The following CTNNA2 variants were observed in gnomAD, a reference collection of about 807,000 sequenced individuals.
CTNNA2 encodes the protein catenin alpha 2.
Under a neutral mutation model 101.0 loss-of-function variants are expected in CTNNA2, and 42 were observed. That is an observed-to-expected ratio of 0.42 (90% CI 0.32 to 0.54). CTNNA2 has a LOEUF of 0.54. Among genes scored for constraint, CTNNA2 ranks in the 20% least tolerant of loss-of-function variants. The pLI is 0.14. For missense variants in CTNNA2, 871 were observed against 1,223.1 expected (o/e 0.71, Z 4.29); for synonymous variants, 450 against 456.4 (o/e 0.99, Z 0.18).
At position 80,492,418 on chromosome 2, in the gene CTNNA2, T is replaced by C. The variant is rs78883153; in HGVS notation, c.1291-52564T>C. Among the ~76,000 whole-genome samples, 397 of 152,316 alleles carry C rather than the reference T, an allele frequency of 2.6e-3. 3 individuals carry two copies. The highest frequency in any genetic ancestry group is 8.8e-3 in the African/African-American group (364 of 41,564). On this transcript the variant is annotated intron_variant, in intron 9 of 18. Coordinates refer to ENST00000402739, the MANE Select transcript of CTNNA2 (RefSeq NM_001282597.3). ...TAATAGCAGCATGAGAATGGACTCA[T>C]ACAGATGGGACAGTCCATAGTATTT... is the stretch of plus-strand genomic sequence containing the variant.
intron 7 of CTNNA2, among the ~76,000 whole-genome samples, chr2:80,271,485 G>A (rs1038760225): frequency 1.3e-5 from 2 of 150,624 alleles, no homozygotes; most frequent in African/African-American, 2.4e-5. Flanking sequence ...GCAGTGGCGC[G>A]ATCTCGGCTC....
At chr2:79,291,560 A>G (rs1052578079) in intron 2 of CTNNA2, among the ~76,000 whole-genome samples, 1 of 152,188 alleles carries the variant, frequency 6.6e-6, no homozygotes, top group Non-Finnish European at 1.5e-5. Context: ...TAAGTTGAAG[A>G]AAGTATTTCC....
chr2:79,391,460 A>AT (rs1228467100), intron 4 of CTNNA2, among the ~76,000 whole-genome samples: 5 of 152,194 alleles, frequency 3.3e-5, no homozygotes, highest in Non-Finnish European at 5.9e-5. Flanking sequence ...CAGTATATAT[A>AT]AAAAAGATGT....
intron 17 of CTNNA2, among the ~76,000 whole-genome samples, chr2:80,616,099 G>T (rs1440754446): frequency 6.6e-6 from 1 of 151,606 alleles, no homozygotes; most frequent in African/African-American, 2.4e-5. Flanking sequence ...GAAATTGACT[G>T]GAACTCTGGC....
At chr2:79,373,794 A>C (rs1451316257) in intron 3 of CTNNA2, 4 of 152,174 alleles carry the variant, frequency 2.6e-5, no homozygotes, top group Non-Finnish European at 4.4e-5. Context: ...TTCTCACAAT[A>C]ACCTGTTGAT....
At chr2:79,716,543 G>C (rs554036426) in intron 2 of CTNNA2, among the ~76,000 whole-genome samples, 30 of 152,268 alleles carry the variant, frequency 2.0e-4, no homozygotes, top group African/African-American at 6.0e-4. Context: ...CCACTGATAA[G>C]TGACAACATG....
Position 80,302,788 on chromosome 2 carries a change from G to A in CTNNA2, c.1057-90423G>A. The A allele has an allele frequency of 1.2e-6, 2 of 1,613,550 alleles. No homozygotes were observed. Among genetic ancestry groups the A allele is most frequent in the South Asian group, 1.1e-5 (1 of 91,048 alleles). On this transcript the variant is annotated intron_variant, in intron 7 of 18. Coordinates refer to ENST00000402739, the MANE Select transcript of CTNNA2 (RefSeq NM_001282597.3). The surrounding 1 kb of genome is among the most constrained non-coding windows in gnomAD (Gnocchi z 6.4). ...CGTCCTCGCCCTGTGCGTACTCCGG[G>A]CTGGCGCACTGCAAGTTGCCATCGT...
Position 80,600,573 on chromosome 2 carries a change from A to G in CTNNA2, c.2190-3501A>G, listed in dbSNP as rs551201005. 3.3e-5 allele frequency among the ~76,000 whole-genome samples: 5 copies of G among 152,278 alleles called. No homozygotes were observed. In the South Asian group the frequency reaches 1.0e-3, roughly 32 times the overall value. On this transcript the variant is annotated intron_variant, in intron 15 of 18. Coordinates refer to ENST00000402739, the MANE Select transcript of CTNNA2 (RefSeq NM_001282597.3). ...AGAGAAAATATATAAATCATTAATA[A>G]TGATCAATAAATGATGAAGAGACTC...
At chr2:79,386,683 T>A (rs1257040242) in intron 4 of CTNNA2, among the ~76,000 whole-genome samples, 3 of 152,204 alleles carry the variant, frequency 2.0e-5, no homozygotes, top group African/African-American at 7.2e-5. Context: ...AACTGAAAAG[T>A]CTCAAGATAA....
At position 79,661,662 on chromosome 2, in the gene CTNNA2, T is replaced by A. The variant is rs1321261240; in HGVS notation, c.102+10004T>A. 5.3e-5 allele frequency among the ~76,000 whole-genome samples: 8 copies of A among 152,238 alleles called. No homozygotes were observed. In the East Asian group the frequency reaches 1.6e-3, roughly 30 times the overall value. On this transcript the variant is annotated intron_variant, in intron 2 of 18. Transcript: ENST00000402739. ...TGATTAGAATCTTTGCTTTGCACACTCATTACTGCTGTGGTCTTAGGAGGA... is the reference window on the plus strand; with the variant it reads ...TGATTAGAATCTTTGCTTTGCACACACATTACTGCTGTGGTCTTAGGAGGA...
chr2:80,111,686 C>G (rs538717104), intron 7 of CTNNA2, among the ~76,000 whole-genome samples: 1 of 152,112 alleles, frequency 6.6e-6, no homozygotes, highest in Non-Finnish European at 1.5e-5. Flanking sequence ...AAACCACAGG[C>G]ATGCACCACC....
intron 7 of CTNNA2, among the ~76,000 whole-genome samples, chr2:80,320,870 A>G (rs1393459679): frequency 6.6e-6 from 1 of 152,184 alleles, no homozygotes; most frequent in Non-Finnish European, 1.5e-5. Flanking sequence ...ATTATTTCTC[A>G]ATTTTTTTAA....
At chr2:80,249,707 C>T (rs967140198) in intron 7 of CTNNA2, among the ~76,000 whole-genome samples, 3 of 152,126 alleles carry the variant, frequency 2.0e-5, no homozygotes, top group Non-Finnish European at 4.4e-5. Flanking sequence ...AAAACTATTA[C>T]ATTCAGCTGC....
intron 7 of CTNNA2, among the ~76,000 whole-genome samples, chr2:80,055,625 G>T (rs1178442067): frequency 1.3e-5 from 2 of 152,032 alleles, no homozygotes; most frequent in East Asian, 1.9e-4. Context: ...GGCCTGCCTT[G>T]CTGTGTAGCT....
chr2:79,362,933 T>C (rs1573121625), intron 3 of CTNNA2, among the ~76,000 whole-genome samples: 1 of 152,174 alleles, frequency 6.6e-6, no homozygotes, highest in African/African-American at 2.4e-5. Context: ...TCCTAACAGA[T>C]AGGAGACAAA....
chr2:79,642,489 A>G (rs1378900963), intron 1 of CTNNA2, among the ~76,000 whole-genome samples: 1 of 152,172 alleles, frequency 6.6e-6, no homozygotes, highest in Non-Finnish European at 1.5e-5. Flanking sequence ...TTATTGTGTA[A>G]AGAATAGTGA....
At chr2:80,391,603 A>G (rs1214402582) in intron 7 of CTNNA2, among the ~76,000 whole-genome samples, 1 of 152,194 alleles carries the variant, frequency 6.6e-6, no homozygotes, top group Non-Finnish European at 1.5e-5. Flanking sequence ...CAGACAACCT[A>G]TTTGCAAGGA....
chr2:80,131,050 TTTTTG>T (rs1320563563), intron 7 of CTNNA2, among the ~76,000 whole-genome samples: 1 of 152,020 alleles, frequency 6.6e-6, no homozygotes, highest in East Asian at 1.9e-4. Flanking sequence ...ATTTCCTGTT[TTTTTG>T]TTTGTTTGTT....
At position 79,651,618 on chromosome 2, in the gene CTNNA2, C is replaced by T. The variant is rs369692132; in HGVS notation, c.62C>T (p.Thr21Met). ...KWDPKSLEIR[T>M]LTVERLLEPL... ...GACCCCAAAAGTTTGGAAATCCGGA[C>T]GCTAACAGTGGAAAGGCTGTTGGAG... Residue 21 changes from threonine (T) to methionine (M), a missense_variant, in exon 2 of 19, where the codon ACG becomes ATG. Thr to Met is a moderately conservative substitution (Grantham distance 81). This residue lies in a region of CTNNA2 where 647 missense variants were observed against 831.5 expected (regional missense o/e 0.78). Coordinates refer to ENST00000402739, the MANE Select transcript of CTNNA2 (RefSeq NM_001282597.3). 9 of 1,613,668 alleles carry T rather than the reference C, an allele frequency of 5.6e-6. No individual in the cohort carries two copies. Among genetic ancestry groups the T allele is most frequent in the Admixed American group, 1.7e-5 (1 of 59,924 alleles).
Sources: gnomAD v4.1 joint callset for allele counts (sites outside exome capture counted in the v4.1 genomes callset) on GRCh38, gnomAD v4.1.1 for gene constraint, gnomAD v4.1.1 regional missense constraint, Gnocchi (gnomAD v3.1) non-coding constraint, MANE v1.5 for transcripts, NCBI Gene and HGNC (gene_info 2026-07-23, HGNC 2026-07-21) for gene names.